The following GALNT7 variants were observed in gnomAD, a reference collection of about 807,000 sequenced individuals.
GALNT7 encodes the protein polypeptide N-acetylgalactosaminyltransferase 7.
A neutral mutation model predicts 82.1 loss-of-function variants in GALNT7; 60 were observed. The observed-to-expected ratio is 0.73, with a 90% CI of 0.59 to 0.91. The LOEUF is 0.91. GALNT7 is among the 40% of genes least tolerant of loss of function. The probability of loss-of-function intolerance (pLI) is 0.00; values close to 1 mark genes in which losing one functional copy is unlikely to be tolerated. For missense variants in GALNT7, 660 were observed against 804.2 expected, an observed-to-expected ratio of 0.82 and a Z score of 2.17; for synonymous variants, 243 against 275.1, an observed-to-expected ratio of 0.88 and a Z score of 1.15.
In GALNT7 at chr4:173,320,642, G is replaced by A. The variant is rs1174986792; in HGVS notation, c.1837-938G>A. Among the ~76,000 whole-genome samples the A allele has an allele frequency of 1.3e-5, 2 of 152,122 alleles. No homozygotes were observed. The highest frequency in any genetic ancestry group is 2.9e-5 in the Non-Finnish European group (2 of 68,002). ...TACTTTAATAGCCGTTCATATAATT[G>A]TGGCTGTTTTTTTATTGTACACCAC... On this transcript the variant is annotated intron_variant, in intron 11 of 11. Transcript: ENST00000265000. This position sits in a 1 kb window ranked among gnomAD's most constrained non-coding sequence, Gnocchi z 4.1.
At chr4:173,255,861 A>G (rs1301707763) in intron 2 of GALNT7, among the ~76,000 whole-genome samples, 2 of 152,202 alleles carry the variant, frequency 1.3e-5, no homozygotes, top group African/African-American at 2.4e-5. Flanking sequence ...GTGGGTCAGC[A>G]TGGTCACCTT....
Position 173,302,106 on chromosome 4 carries a change from G to T in GALNT7, c.1208G>T (p.Gly403Val). ...AIEREFFFEL[G>V]LYDPGLQIWG... is the part of the protein sequence containing the mutation. ...GAACGAGAGTTCTTCTTTGAATTGG[G>T]TCTCTATGATCCAGGTCTCCAGATT... The change falls in exon 7 of 12, where the codon GGT (glycine) becomes GTT (valine). Residue 403 changes from glycine to valine, a missense_variant. Physicochemically the swap from Gly to Val is moderately radical, Grantham distance 109. This residue lies in a region of GALNT7 where 527 missense variants were observed against 683.5 expected (regional missense o/e 0.77). Coordinates refer to ENST00000265000, the MANE Select transcript of GALNT7 (RefSeq NM_017423.3). The surrounding 1 kb of genome is among the most constrained non-coding windows in gnomAD (Gnocchi z 4.2). The T allele has an allele frequency of 1.2e-6, 2 of 1,601,036 alleles. No individual in the cohort carries two copies. The highest frequency in any genetic ancestry group is 1.7e-6 in the Non-Finnish European group (2 of 1,168,176).
At chr4:173,276,688 G>A (rs1735924514) in intron 2 of GALNT7, among the ~76,000 whole-genome samples, 1 of 152,152 alleles carries the variant, frequency 6.6e-6, no homozygotes, top group African/African-American at 2.4e-5. Flanking sequence ...TTGTGGAGGA[G>A]GAAGCAGGGA....
intron 1 of GALNT7, among the ~76,000 whole-genome samples, chr4:173,182,738 TACAC>T (rs35300617): frequency 0.011 from 1,322 of 115,720 alleles, 14 homozygotes; most frequent in African/African-American, 0.024. Flanking sequence ...TTACTCTTAA[TACAC>T]ACACACACAC....
At position 173,321,870 on chromosome 4, in the gene GALNT7, G is replaced by T. The variant is rs1320639761; in HGVS notation, c.*153G>T. 1 of 554,432 alleles carries T rather than the reference G, an allele frequency of 1.8e-6. No individual in the cohort carries two copies. The highest frequency in any genetic ancestry group is 3.2e-6 in the Non-Finnish European group (1 of 310,270). 34.3% of individuals were successfully genotyped at this position (554,432 alleles called of 1,614,324 possible). On this transcript the variant is annotated 3_prime_UTR_variant, in exon 12 of 12. Transcript: ENST00000265000. ...AGTTTGAAGGACATTGATAAACTGT[G>T]ATTTTACAATAACATTATCATCTGC...
At chr4:173,306,298 A>C (rs538641546) in intron 8 of GALNT7, among the ~76,000 whole-genome samples, 1 of 152,198 alleles carries the variant, frequency 6.6e-6, no homozygotes, top group African/African-American at 2.4e-5. Flanking sequence ...TAGGGTTTTG[A>C]ATATATAAGA....
intron 5 of GALNT7, chr4:173,297,705 A>C (rs1436208649): frequency 8.6e-6 from 5 of 580,534 alleles, no homozygotes; most frequent in Non-Finnish European, 1.1e-5. Context: ...GTGCACAAAC[A>C]AATCAACAAC....
At chr4:173,213,160 A>G (rs142461363) in intron 1 of GALNT7, among the ~76,000 whole-genome samples, 48 of 152,250 alleles carry the variant, frequency 3.2e-4, no homozygotes, top group Non-Finnish European at 5.7e-4. Flanking sequence ...TCCCTGATGT[A>G]TTCTTAGTGG....
At chr4:173,252,043 AAAATTATTTATACT>A in intron 2 of GALNT7, among the ~76,000 whole-genome samples, 2 of 152,360 alleles carry the variant, frequency 1.3e-5, no homozygotes, top group African/African-American at 4.8e-5. Flanking sequence ...TTTTCTAAGT[AAAATTATTTATACT>A]TTAGAATGTG....
chr4:173,300,844 A>G (rs936302683), intron 6 of GALNT7, among the ~76,000 whole-genome samples: 1 of 152,052 alleles, frequency 6.6e-6, no homozygotes, highest in African/African-American at 2.4e-5. Flanking sequence ...TTCAAGATGT[A>G]TTTTCAAGGC....
intron 1 of GALNT7, among the ~76,000 whole-genome samples, chr4:173,241,099 GT>G (rs1399569029): frequency 6.6e-6 from 1 of 151,834 alleles, no homozygotes; most frequent in Non-Finnish European, 1.5e-5. Context: ...GCCAGGCACA[GT>G]AGTTCATCCC....
At chr4:173,201,543 G>A (rs566576733) in intron 1 of GALNT7, among the ~76,000 whole-genome samples, 61 of 152,262 alleles carry the variant, frequency 4.0e-4, no homozygotes, top group African/African-American at 1.5e-3. Context: ...AGAGAATTGG[G>A]TTATATATCT....
chr4:173,317,270 A>T (rs781104848), intron 9 of GALNT7: 13 of 205,538 alleles, frequency 6.3e-5, no homozygotes, highest in South Asian at 1.4e-4. Context: ...TCTGTTCTAG[A>T]TATCTAGGGC....
intron 1 of GALNT7, among the ~76,000 whole-genome samples, chr4:173,225,018 A>AAAAAATAATAAT (rs1201076518): frequency 2.8e-5 from 4 of 144,576 alleles, no homozygotes; most frequent in African/African-American, 1.0e-4. Context: ...CTGTCTCAAA[A>AAAAAATAATAAT]AATAATAATA....
intron 1 of GALNT7, among the ~76,000 whole-genome samples, chr4:173,181,836 A>G (rs1221257580): frequency 1.3e-5 from 2 of 152,212 alleles, no homozygotes; most frequent in Admixed American, 6.5e-5. Flanking sequence ...CTATTTGAAA[A>G]TCTGAGGAAG....
intron 1 of GALNT7, among the ~76,000 whole-genome samples, chr4:173,211,367 A>G (rs556093874): frequency 6.6e-6 from 1 of 152,310 alleles, no homozygotes; most frequent in South Asian, 2.1e-4. Flanking sequence ...AAGTACATTT[A>G]ATTAAAAACC....
intron 1 of GALNT7, among the ~76,000 whole-genome samples, chr4:173,239,075 AACTAAG>A (rs1393195590): frequency 6.6e-6 from 1 of 152,214 alleles, no homozygotes; most frequent in Non-Finnish European, 1.5e-5. Flanking sequence ...TGGCCAAGAG[AACTAAG>A]ACTAACATCA....
At chr4:173,245,130 A>G (rs976667215) in intron 1 of GALNT7, among the ~76,000 whole-genome samples, 4 of 151,570 alleles carry the variant, frequency 2.6e-5, no homozygotes, top group Admixed American at 6.6e-5. Context: ...GAAATAACCT[A>G]GAATGAGGAT....
At chr4:173,208,546 G>A (rs1179315675) in intron 1 of GALNT7, among the ~76,000 whole-genome samples, 1 of 151,990 alleles carries the variant, frequency 6.6e-6, no homozygotes, top group Non-Finnish European at 1.5e-5. Context: ...CTCCGCACCC[G>A]CAGACTGAGC....
Sources: allele counts gnomAD v4.1 joint callset (sites outside exome capture counted in the v4.1 genomes callset), GRCh38; gene constraint gnomAD v4.1.1; regional missense constraint gnomAD v4.1.1; non-coding constraint Gnocchi (gnomAD v3.1); transcripts MANE v1.5; gene names NCBI Gene and HGNC (gene_info 2026-07-23, HGNC 2026-07-21).